The following NCAPD3 variants were observed in gnomAD, a reference collection of about 807,000 sequenced individuals.
NCAPD3 encodes condensin-2 complex subunit D3.
Under a neutral mutation model 182.9 loss-of-function variants are expected in NCAPD3, and 105 were observed. The ratio of observed to expected loss-of-function variants is 0.57; its 90% CI spans 0.49 to 0.68. NCAPD3 has a LOEUF of 0.68. Ranked by LOEUF, NCAPD3 falls within the 30% of genes least tolerant of loss-of-function variation. NCAPD3 has a pLI of 0.00. For synonymous variants in NCAPD3, 815 were observed against 679.9 expected (o/e 1.20, Z -3.09); for missense variants, 1,944 against 1,837.0 (o/e 1.06, Z -1.07).
At chr11:134,162,015 TATG>T in intron 27 of NCAPD3, 124 bp from the exon 28 acceptor site, 2 of 574,858 alleles carry the variant, frequency 3.5e-6, no homozygotes, top group Non-Finnish European at 6.0e-6. Context: ...TGCTTTTCAT[TATG>T]ATACTGGATG....
rs974079309 is a variant in NCAPD3 at position 134,204,622 on chromosome 11, G to A, written c.1089+277C>T. Reference sequence around the variant, plus strand: ...GGGGTTTAAGTGACACAAAACTGTGGAACTCGGTGATGGGTATGTGGTGGT... The same window carrying A: ...GGGGTTTAAGTGACACAAAACTGTGAAACTCGGTGATGGGTATGTGGTGGT... On this transcript the variant is annotated intron_variant, in intron 9 of 34. Transcript: ENST00000534548. The surrounding 1 kb of genome is among the most constrained non-coding windows in gnomAD (Gnocchi z 4.3). Among the ~76,000 whole-genome samples the A allele has an allele frequency of 6.6e-6, 1 of 152,168 alleles. No homozygotes were observed.
At chr11:134,196,960 T>C (rs971584429) in intron 13 of NCAPD3, among the ~76,000 whole-genome samples, 2 of 152,176 alleles carry the variant, frequency 1.3e-5, no homozygotes, top group African/African-American at 4.8e-5. Flanking sequence ...TAACACCCAG[T>C]GCTGGAGGCG....
rs566588346 is a variant in NCAPD3 at position 134,167,196 on chromosome 11, G to A, written c.3573+800C>T. Reference sequence around the variant, plus strand: ...GGGGAGGCGCACACTCGTGAGATGAGCTTAGGGAGAGCAGCACACTCGTGA... The same window carrying A: ...GGGGAGGCGCACACTCGTGAGATGAACTTAGGGAGAGCAGCACACTCGTGA... On this transcript the variant is annotated intron_variant, in intron 27 of 34. Transcript: ENST00000534548. Among the ~76,000 whole-genome samples, 4 of 132,522 alleles carry A rather than the reference G, an allele frequency of 3.0e-5. No individual in the cohort carries two copies. The South Asian group carries it at 1.1e-3, about 36-fold the overall frequency. The allele number at this position is 132,522 out of a possible 152,430, so 86.9% of individuals were successfully genotyped here. A position where few individuals can be genotyped will look rare whatever the true frequency, so the allele number is the denominator to read the frequency against.
At position 134,177,211 on chromosome 11, in the gene NCAPD3, C is replaced by A; in HGVS notation, c.3021+8G>T. 1 of 1,602,384 alleles carries A rather than the reference C, an allele frequency of 6.2e-7. No individual in the cohort carries two copies. The highest frequency in any genetic ancestry group is 1.1e-5 in the South Asian group (1 of 90,796). ...AGGGGAAAGGACAGATTGAACCCCC[C>A]TACGCACCTGCAAGAGATTGGTAAG... On this transcript the variant is annotated splice_region_variant and intron_variant, in intron 23 of 34. Transcript: ENST00000534548.
intron 24 of NCAPD3, among the ~76,000 whole-genome samples, chr11:134,170,672 T>A (rs951961321): frequency 7.2e-5 from 11 of 152,226 alleles, no homozygotes; most frequent in Non-Finnish European, 1.6e-4. Context: ...AGAATACACA[T>A]GGGTGGAGGT....
intron 3 of NCAPD3, 131 bp from the exon 4 acceptor site, chr11:134,210,585 A>G (rs1415952113): frequency 2.5e-6 from 2 of 801,352 alleles, no homozygotes; most frequent in African/African-American, 3.5e-5. Context: ...ACCTGTAGCA[A>G]GAGTACCATT....
At chr11:134,185,071 C>A in intron 17 of NCAPD3, 71 bp from the exon 18 acceptor site, 2 of 1,242,456 alleles carry the variant, frequency 1.6e-6, no homozygotes, top group South Asian at 2.4e-5. Context: ...GGCCTTTCTT[C>A]TGGATTAATA....
chr11:134,168,956 T>C lies in NCAPD3; in HGVS notation c.3200A>G (p.Glu1067Gly). 3.7e-6 allele frequency: 6 copies of C among 1,614,078 alleles called. No homozygotes were observed. Among genetic ancestry groups the C allele is most frequent in the Non-Finnish European group, 5.1e-6 (6 of 1,179,948 alleles). ...IECIFHFNNY[E>G]KHEKYNKFPQ... ...GAACTTGTTGTACTTCTCATGCTTC[T>C]CATAGTTATTAAAGTGAAAAATACA... The change falls in exon 25 of 35, where the codon GAG becomes GGG. Residue 1067 changes from glutamate (E) to glycine (G), a missense_variant. Coordinates refer to ENST00000534548, the MANE Select transcript of NCAPD3 (RefSeq NM_015261.3).
At chr11:134,157,814 T>A in intron 31 of NCAPD3, 114 bp downstream of exon 31, 1 of 1,177,638 alleles carries the variant, frequency 8.5e-7, no homozygotes, top group East Asian at 2.4e-5. Context: ...CCAATTAACG[T>A]TATTTGTTTT....
chr11:134,157,163 T>G, intron 31 of NCAPD3, 68 bp from the exon 32 acceptor site: 3 of 1,254,150 alleles, frequency 2.4e-6, no homozygotes, highest in Non-Finnish European at 3.4e-6. Context: ...AACAACCACA[T>G]GAGAAAACAT....
intron 2 of NCAPD3, among the ~76,000 whole-genome samples, chr11:134,219,069 G>A (rs918927519): frequency 1.2e-4 from 18 of 152,066 alleles, no homozygotes; most frequent in Non-Finnish European, 1.8e-4. Flanking sequence ...AAAGCTACCC[G>A]TGACCTACCC....
intron 27 of NCAPD3, among the ~76,000 whole-genome samples, chr11:134,166,747 G>A (rs1943822135): frequency 2.4e-5 from 3 of 126,362 alleles, no homozygotes; most frequent in East Asian, 2.6e-4. Flanking sequence ...TGAGCTTGGG[G>A]GAGGCGCACA....
chr11:134,200,137 T>C (rs11822093), intron 13 of NCAPD3, among the ~76,000 whole-genome samples: 3,822 of 152,234 alleles, frequency 0.025, 169 homozygotes, highest in African/African-American at 0.087. Flanking sequence ...GCTAAAACTA[T>C]AAAACCCTTA....
chr11:134,160,853 G>A (rs1433602573), intron 28 of NCAPD3, among the ~76,000 whole-genome samples: 8 of 152,050 alleles, frequency 5.3e-5, no homozygotes, highest in East Asian at 3.9e-4. Flanking sequence ...AACAAGCAAC[G>A]TGTGGCCATC....
In NCAPD3 at chr11:134,218,122, G is replaced by GGGA. The variant is rs1491461013; in HGVS notation, c.220-1025_220-1024insTCC. ...TCAAAAAAAAAAAAGGGGGGGGGGG[G>GGGA]AAGAAATCATCTCCTAACTTTACAG... On this transcript the variant is annotated intron_variant, in intron 2 of 34. Coordinates refer to ENST00000534548, the MANE Select transcript of NCAPD3 (RefSeq NM_015261.3). Among the ~76,000 whole-genome samples, 15 of 46,382 alleles carry GGGA rather than the reference G, an allele frequency of 3.2e-4. No individual in the cohort carries two copies. In the East Asian group the frequency reaches 6.0e-3, roughly 19 times the overall value. The allele number at this position is 46,382 out of a possible 152,430, so 30.4% of individuals were successfully genotyped here. A position where few individuals can be genotyped will look rare whatever the true frequency, so the allele number is the denominator to read the frequency against.
chr11:134,158,009 T>A lies in NCAPD3; in HGVS notation c.4093A>T (p.Lys1365Ter). ...AAGCTCCGACTCCGATGCCTGCTCT[T>A]TGACTCCACGGCTTTCTTGACAGAA... ...LNSVKKAVES[K>*]SRHRSRSLGV... Residue 1365 changes from lysine to a stop codon, truncating the protein, a stop_gained, in exon 31 of 35, where the codon AAG (lysine) becomes TAG (stop). Transcript: ENST00000534548. LOFTEE classifies it high-confidence loss of function. 6.2e-7 allele frequency: 1 copy of A among 1,614,180 alleles called. No homozygotes were observed. Among genetic ancestry groups the A allele is most frequent in the Non-Finnish European group, 8.5e-7 (1 of 1,180,012 alleles).
intron 10 of NCAPD3, 49 bp downstream of exon 10, chr11:134,203,997 A>T: frequency 6.6e-7 from 1 of 1,510,172 alleles, no homozygotes; most frequent in South Asian, 1.1e-5. Context: ...AGACCCTTTT[A>T]AAAAGAGTTT....
intron 13 of NCAPD3, among the ~76,000 whole-genome samples, chr11:134,199,941 G>A (rs1478699467): frequency 1.3e-5 from 2 of 152,138 alleles, no homozygotes; most frequent in Non-Finnish European, 1.5e-5. Flanking sequence ...AAGCTCATGA[G>A]CTTATACAAG....
intron 29 of NCAPD3, among the ~76,000 whole-genome samples, 164 bp from the exon 30 acceptor site, chr11:134,158,659 G>A (rs1943496696): frequency 6.6e-6 from 1 of 152,200 alleles, no homozygotes; most frequent in Admixed American, 6.5e-5. Context: ...CCTCAAACGT[G>A]AGTATCTTTT....
Sources: gnomAD v4.1 joint callset for allele counts (sites outside exome capture counted in the v4.1 genomes callset) on GRCh38, gnomAD v4.1.1 for gene constraint, Gnocchi (gnomAD v3.1) non-coding constraint, MANE v1.5 for transcripts, NCBI Gene and HGNC (gene_info 2026-07-23, HGNC 2026-07-21) for gene names.